Variants in SPAG16 observed in about 807,000 individuals in gnomAD.
SPAG16 encodes the protein sperm associated antigen 16, also known as sperm-associated antigen 16 protein.
A neutral mutation model predicts 80.4 loss-of-function variants in SPAG16; 86 were observed. The observed-to-expected ratio is 1.07, with a 90% CI of 0.90 to 1.28. The LOEUF (loss-of-function observed/expected upper bound fraction) is 1.28, where lower values mean the gene tolerates loss of function less well. Among genes scored for constraint, SPAG16 ranks in the 50% most tolerant of loss-of-function variants. The probability of loss-of-function intolerance (pLI) is 0.00; values close to 1 mark genes in which losing one functional copy is unlikely to be tolerated. For missense variants in SPAG16, 870 were observed against 765.3 expected, an observed-to-expected ratio of 1.14 and a Z score of -1.61; for synonymous variants, 294 against 265.9, an observed-to-expected ratio of 1.11 and a Z score of -1.03.
At chr2:214,282,786 T>C (rs1049187495) in intron 15 of SPAG16, among the ~76,000 whole-genome samples, 1 of 152,194 alleles carries the variant, frequency 6.6e-6, no homozygotes, top group African/African-American at 2.4e-5. Flanking sequence ...TGGCAACAAG[T>C]GCTGGAACCA....
intron 11 of SPAG16, among the ~76,000 whole-genome samples, chr2:213,867,982 C>A (rs1471248191): frequency 6.8e-6 from 1 of 146,534 alleles, no homozygotes; most frequent in South Asian, 2.2e-4. Flanking sequence ...AAACTGTCAG[C>A]CACACAGTGG....
chr2:214,248,190 G>T (rs532251016), intron 15 of SPAG16, among the ~76,000 whole-genome samples: 1 of 151,674 alleles, frequency 6.6e-6, no homozygotes, highest in South Asian at 2.1e-4. Flanking sequence ...TTGACACTAT[G>T]CATCTAACAA....
At chr2:213,296,030 A>C in intron 1 of SPAG16, 34 bp from the exon 2 acceptor site, 1 of 1,586,692 alleles carries the variant, frequency 6.3e-7, no homozygotes, top group African/African-American at 1.3e-5. Context: ...TTTATTCTAT[A>C]TTTTTTGAGA....
chr2:213,475,430 T>C (rs1044660458), intron 9 of SPAG16, among the ~76,000 whole-genome samples: 22 of 152,178 alleles, frequency 1.4e-4, no homozygotes, highest in African/African-American at 5.3e-4. Context: ...TGATTCAGGA[T>C]ACACTTGAGG....
intron 5 of SPAG16, among the ~76,000 whole-genome samples, chr2:213,328,757 G>A (rs902497115): frequency 6.6e-6 from 1 of 152,134 alleles, no homozygotes; most frequent in Non-Finnish European, 1.5e-5. Flanking sequence ...TACCTCAGGA[G>A]TAGGATACTT....
chr2:213,808,524 T>C (rs571192763), intron 10 of SPAG16, among the ~76,000 whole-genome samples: 2 of 152,236 alleles, frequency 1.3e-5, no homozygotes, highest in Admixed American at 6.5e-5. Flanking sequence ...TGATGTGATA[T>C]GTGACTACTT....
rs372508686 is a variant in SPAG16, at chr2:213,599,068, C to T, written c.1070+108978C>T. 9.2e-5 allele frequency among the ~76,000 whole-genome samples: 14 copies of T among 152,068 alleles called. No homozygotes were observed. In the East Asian group the frequency reaches 2.3e-3, roughly 25 times the overall value. On this transcript the variant is annotated intron_variant, in intron 10 of 15. Transcript: ENST00000331683. ...AATTTTAATGATATGTTTATTTGTTCTCTTAGGAGAAATAGTCACAACTAA... is the reference window on the plus strand; with the variant it reads ...AATTTTAATGATATGTTTATTTGTTTTCTTAGGAGAAATAGTCACAACTAA...
At chr2:213,522,746 A>T (rs950120182) in intron 10 of SPAG16, among the ~76,000 whole-genome samples, 4 of 151,708 alleles carry the variant, frequency 2.6e-5, no homozygotes, top group African/African-American at 9.7e-5. Flanking sequence ...TTTGAGAGAG[A>T]TCTGTAAATG....
intron 10 of SPAG16, among the ~76,000 whole-genome samples, chr2:213,606,497 T>C (rs2124998738): frequency 6.6e-6 from 1 of 152,348 alleles, no homozygotes; most frequent in Non-Finnish European, 1.5e-5. Flanking sequence ...TTCTAATAAA[T>C]TGTTTGACCA....
chr2:214,400,590 C>T (rs1330535777), intron 15 of SPAG16, among the ~76,000 whole-genome samples: 1 of 151,872 alleles, frequency 6.6e-6, no homozygotes, highest in Non-Finnish European at 1.5e-5. Context: ...GGACCTGGAA[C>T]CAACAACCCC....
chr2:213,709,712 T>A (rs6705936), intron 10 of SPAG16, among the ~76,000 whole-genome samples: 1,645 of 152,246 alleles, frequency 0.011, 36 homozygotes, highest in African/African-American at 0.038. Context: ...AGAATATAGT[T>A]CTTTTTATAT....
chr2:213,512,163 A>G, intron 10 of SPAG16, among the ~76,000 whole-genome samples: 1 of 152,146 alleles, frequency 6.6e-6, no homozygotes, highest in East Asian at 1.9e-4. Flanking sequence ...AAAAGGCAAT[A>G]AGAGGTAGAA....
intron 9 of SPAG16, among the ~76,000 whole-genome samples, chr2:213,448,160 T>C (rs2071457966): frequency 6.6e-6 from 1 of 152,248 alleles, no homozygotes. Context: ...GTCTGTTATT[T>C]GGCTTGGAGA....
intron 15 of SPAG16, among the ~76,000 whole-genome samples, chr2:214,338,585 T>A (rs1697458504): frequency 6.6e-6 from 1 of 152,204 alleles, no homozygotes; most frequent in South Asian, 2.1e-4. Context: ...GGTCCTTCTA[T>A]CTTTTGTTTC....
At chr2:214,102,253 T>C (rs993000158) in intron 13 of SPAG16, among the ~76,000 whole-genome samples, 6 of 151,944 alleles carry the variant, frequency 3.9e-5, no homozygotes, top group African/African-American at 1.5e-4. Context: ...GAGTTTGTCT[T>C]GTGGAGCGTA....
chr2:214,370,649 G>C (rs548840863), intron 15 of SPAG16, among the ~76,000 whole-genome samples: 38 of 152,230 alleles, frequency 2.5e-4, no homozygotes, highest in African/African-American at 8.9e-4. Context: ...GTTAACTATA[G>C]TATGATCTAA....
chr2:213,469,247 T>C (rs951775291), intron 9 of SPAG16, among the ~76,000 whole-genome samples: 11 of 152,238 alleles, frequency 7.2e-5, no homozygotes, highest in African/African-American at 2.4e-4. Context: ...CCTAACATAA[T>C]AAAACTATCC....
chr2:213,334,103 ACT>A (rs1423336366), intron 5 of SPAG16, among the ~76,000 whole-genome samples: 3 of 152,050 alleles, frequency 2.0e-5, no homozygotes, highest in Admixed American at 6.6e-5. Context: ...TATATAAGAA[ACT>A]CTATAGGAAA....
At chr2:214,003,755 A>G (rs550184094) in intron 12 of SPAG16, among the ~76,000 whole-genome samples, 12 of 152,242 alleles carry the variant, frequency 7.9e-5, no homozygotes, top group Non-Finnish European at 1.6e-4. Context: ...TTTAATATAT[A>G]TAGTTGAATC....
Sources: allele counts gnomAD v4.1 joint callset (sites outside exome capture counted in the v4.1 genomes callset), GRCh38; gene constraint gnomAD v4.1.1; transcripts MANE v1.5; gene names NCBI Gene and HGNC (gene_info 2026-07-23, HGNC 2026-07-21).